PABPC4L: variants seen among roughly 807,000 people sequenced by gnomAD.
PABPC4L encodes the protein poly(A) binding protein cytoplasmic 4 like, also known as polyadenylate-binding protein 4-like.
For missense variants in PABPC4L, 452 were observed against 451.4 expected (o/e 1.00, Z -0.01); for synonymous variants, 169 against 164.1 (o/e 1.03, Z -0.23).
At chr4:134,131,897 C>T in the PABPC4L span, among the ~76,000 whole-genome samples, 1 of 151,664 alleles carries the variant, frequency 6.6e-6, no homozygotes, top group Non-Finnish European at 1.5e-5. Context: ...ATTAAGGAAA[C>T]CAGAAATAAA....
the PABPC4L span, among the ~76,000 whole-genome samples, chr4:134,121,537 C>T: frequency 3.9e-4 from 59 of 151,784 alleles, no homozygotes; most frequent in African/African-American, 1.4e-3. Flanking sequence ...TTATTAGAAG[C>T]TATCAATTTC....
At chr4:134,082,032 A>C in the PABPC4L span, among the ~76,000 whole-genome samples, 1 of 152,148 alleles carries the variant, frequency 6.6e-6, no homozygotes, top group Non-Finnish European at 1.5e-5. Context: ...AAGTGAAATG[A>C]CATGTTCTGG....
chr4:134,091,702 G>GT, the PABPC4L span, among the ~76,000 whole-genome samples: 14 of 150,660 alleles, frequency 9.3e-5, no homozygotes, highest in Non-Finnish European at 5.9e-5. Flanking sequence ...AAATTTTTGA[G>GT]TTTTTTTTTA....
In PABPC4L at chr4:134,198,108, C is replaced by T. The variant is rs896371951; in HGVS notation, c.*1799G>A. Reference sequence around the variant, plus strand: ...GTTATATTTTGGTACAGTCATTGAACAAAACATAAAAGTCACTCAGATTAT... The same window carrying T: ...GTTATATTTTGGTACAGTCATTGAATAAAACATAAAAGTCACTCAGATTAT... On this transcript the variant is annotated 3_prime_UTR_variant, in exon 2 of 2. Coordinates refer to ENST00000421491, the MANE Select transcript of PABPC4L (RefSeq NM_001114734.2). 2.0e-5 allele frequency: 3 copies of T among 151,440 alleles called. No individual in the cohort carries two copies. The highest frequency in any genetic ancestry group is 7.3e-5 in the African/African-American group (3 of 41,336). 9.4% of individuals were successfully genotyped at this position (151,440 alleles called of 1,614,324 possible).
the PABPC4L span, among the ~76,000 whole-genome samples, chr4:134,011,616 A>G: frequency 2.0e-5 from 3 of 152,134 alleles, no homozygotes; most frequent in Admixed American, 1.3e-4. Flanking sequence ...TATGAATACG[A>G]TTATTTTATT....
At chr4:134,009,190 T>TAC in the PABPC4L span, among the ~76,000 whole-genome samples, 2 of 151,798 alleles carry the variant, frequency 1.3e-5, no homozygotes, top group Non-Finnish European at 3.0e-5. Flanking sequence ...ATTAAAAATA[T>TAC]ACACACATAT....
chr4:134,153,041 A>T, the PABPC4L span, among the ~76,000 whole-genome samples: 1 of 152,136 alleles, frequency 6.6e-6, no homozygotes, highest in Non-Finnish European at 1.5e-5. Flanking sequence ...TAATCTAGTC[A>T]TGTGAGATCT....
the PABPC4L span, among the ~76,000 whole-genome samples, chr4:134,136,784 CTCTT>C: frequency 2.0e-5 from 3 of 152,132 alleles, no homozygotes; most frequent in East Asian, 5.8e-4. Flanking sequence ...GGCTTATCTT[CTCTT>C]TATTTTTCTT....
the PABPC4L span, among the ~76,000 whole-genome samples, chr4:134,079,700 A>T: frequency 1.3e-5 from 2 of 149,308 alleles, no homozygotes; most frequent in African/African-American, 2.5e-5. Flanking sequence ...TGTGTGTGAG[A>T]GAGAGAGAGA....
At chr4:133,963,869 AG>A in the PABPC4L span, among the ~76,000 whole-genome samples, 1 of 152,180 alleles carries the variant, frequency 6.6e-6, no homozygotes, top group Non-Finnish European at 1.5e-5. Flanking sequence ...CTACATCAAA[AG>A]ACTGAAAAAG....
the PABPC4L span, among the ~76,000 whole-genome samples, chr4:133,989,120 T>C: frequency 6.6e-6 from 1 of 152,090 alleles, no homozygotes; most frequent in African/African-American, 2.4e-5. Context: ...TTTTTCCTCC[T>C]AGGCCTCTAG....
the PABPC4L span, among the ~76,000 whole-genome samples, chr4:134,109,750 CA>C: frequency 4.6e-5 from 7 of 151,464 alleles, no homozygotes; most frequent in East Asian, 9.8e-4. Context: ...ATTTCTAGAT[CA>C]TTTTTTTTTT....
At chr4:134,075,839 C>T in the PABPC4L span, among the ~76,000 whole-genome samples, 1 of 152,050 alleles carries the variant, frequency 6.6e-6, no homozygotes, top group Non-Finnish European at 1.5e-5. Flanking sequence ...GTGGGTACTC[C>T]TGGACCATGC....
At chr4:134,046,100 G>A in the PABPC4L span, among the ~76,000 whole-genome samples, 1 of 151,982 alleles carries the variant, frequency 6.6e-6, no homozygotes, top group South Asian at 2.1e-4. Flanking sequence ...GTGGGCCCAG[G>A]GGACCGGCAC....
chr4:134,167,222 T>C, the PABPC4L span, among the ~76,000 whole-genome samples: 3 of 152,106 alleles, frequency 2.0e-5, no homozygotes, highest in Admixed American at 2.0e-4. Flanking sequence ...GTGTTAATGA[T>C]GTATTATGAC....
Position 134,201,142 on chromosome 4 carries a change from G to T in PABPC4L, c.-123C>A. The T allele has an allele frequency of 6.5e-7, 1 of 1,550,032 alleles. No individual in the cohort carries two copies. The highest frequency in any genetic ancestry group is 8.7e-7 in the Non-Finnish European group (1 of 1,146,690). On this transcript the variant is annotated 5_prime_UTR_variant, in exon 2 of 2. Coordinates refer to ENST00000421491, the MANE Select transcript of PABPC4L (RefSeq NM_001114734.2). Reference sequence around the variant, plus strand: ...GAGGCCTCGGGATCACCACACAAAGGCCAAGCAATGGAGTTCAGACACGAC... The same window carrying T: ...GAGGCCTCGGGATCACCACACAAAGTCCAAGCAATGGAGTTCAGACACGAC...
the PABPC4L span, among the ~76,000 whole-genome samples, chr4:134,162,188 C>T: frequency 6.6e-6 from 1 of 151,966 alleles, no homozygotes; most frequent in East Asian, 1.9e-4. Context: ...AACAACAAAA[C>T]AACCAGAAAA....
chr4:134,075,423 T>A, the PABPC4L span, among the ~76,000 whole-genome samples: 166 of 152,266 alleles, frequency 1.1e-3, no homozygotes, highest in Middle Eastern at 3.4e-3. Flanking sequence ...ATAAATAAAT[T>A]AATTAATTAA....
chr4:133,965,689 CA>C, the PABPC4L span, among the ~76,000 whole-genome samples: 1 of 152,054 alleles, frequency 6.6e-6, no homozygotes, highest in East Asian at 1.9e-4. Context: ...TGATCTTTGA[CA>C]AAACAAACAA....
Sources: allele counts gnomAD v4.1 joint callset (sites outside exome capture counted in the v4.1 genomes callset), GRCh38; gene constraint gnomAD v4.1.1; transcripts MANE v1.5; gene names NCBI Gene and HGNC (gene_info 2026-07-23, HGNC 2026-07-21).